Variants in SLMAP observed in about 807,000 individuals in gnomAD.
SLMAP encodes sarcolemma associated protein.
In SLMAP, 44 loss-of-function variants were observed where a neutral mutation model predicts 128.8. The observed-to-expected ratio is 0.34, with a 90% CI of 0.27 to 0.44. The LOEUF (loss-of-function observed/expected upper bound fraction) is 0.44, where lower values mean the gene tolerates loss of function less well. SLMAP is among the 20% of genes least tolerant of loss of function. The pLI is 1.00. For synonymous variants in SLMAP, 327 were observed against 348.8 expected, an observed-to-expected ratio of 0.94 and a Z score of 0.70; for missense variants, 787 against 985.3, an observed-to-expected ratio of 0.80 and a Z score of 2.69.
At chr3:57,902,653 T>A (rs550116701) in intron 17 of SLMAP, among the ~76,000 whole-genome samples, 2 of 152,296 alleles carry the variant, frequency 1.3e-5, no homozygotes, top group South Asian at 4.1e-4. Flanking sequence ...TAGAATCCAT[T>A]GGCCTGAGAC....
intron 16 of SLMAP, 60 bp from the exon 17 acceptor site, chr3:57,896,813 G>C (rs866325266): frequency 4.0e-6 from 6 of 1,516,362 alleles, no homozygotes; most frequent in Middle Eastern, 3.5e-4. Flanking sequence ...GATAACAATA[G>C]CTTGCTGATA....
chr3:57,763,297 T>G (rs2079047766), intron 2 of SLMAP, among the ~76,000 whole-genome samples: 1 of 150,548 alleles, frequency 6.6e-6, no homozygotes, highest in Non-Finnish European at 1.5e-5. Flanking sequence ...TTTTTTGAGA[T>G]GGAGTCTCGC....
intron 2 of SLMAP, among the ~76,000 whole-genome samples, chr3:57,801,751 T>C (rs1271639384): frequency 6.6e-6 from 1 of 151,898 alleles, no homozygotes; most frequent in Non-Finnish European, 1.5e-5. Context: ...CAGAAGTAGA[T>C]CAAAGGGCAC....
chr3:57,773,610 A>G (rs2081293561), intron 2 of SLMAP, among the ~76,000 whole-genome samples: 1 of 152,288 alleles, frequency 6.6e-6, no homozygotes. Flanking sequence ...CAATGCCTCC[A>G]CTTAATTCAT....
intron 14 of SLMAP, among the ~76,000 whole-genome samples, chr3:57,878,825 A>T (rs1249459583): frequency 1.3e-5 from 2 of 152,178 alleles, no homozygotes; most frequent in African/African-American, 4.8e-5. Flanking sequence ...TTCTTAATGA[A>T]ACCCAATTTT....
intron 2 of SLMAP, among the ~76,000 whole-genome samples, chr3:57,792,093 C>G (rs1162555508): frequency 2.6e-5 from 4 of 152,008 alleles, no homozygotes; most frequent in African/African-American, 9.7e-5. Flanking sequence ...TCTTTAACAA[C>G]AGAGCACTTT....
At chr3:57,844,379 G>A (rs528700106) in intron 4 of SLMAP, among the ~76,000 whole-genome samples, 3 of 151,672 alleles carry the variant, frequency 2.0e-5, no homozygotes, top group South Asian at 4.2e-4. Flanking sequence ...GGGTGACAGA[G>A]TGAGACTCTG....
At chr3:57,872,363 A>G (rs2095501227) in intron 14 of SLMAP, among the ~76,000 whole-genome samples, 1 of 152,156 alleles carries the variant, frequency 6.6e-6, no homozygotes, top group African/African-American at 2.4e-5. Flanking sequence ...CACACCTGTA[A>G]TCCTAGCACT....
chr3:57,869,788 A>G (rs952786229), intron 13 of SLMAP, among the ~76,000 whole-genome samples: 1 of 150,774 alleles, frequency 6.6e-6, no homozygotes, highest in Non-Finnish European at 1.5e-5. Flanking sequence ...TTTCTTACTA[A>G]TTCATTGAAA....
chr3:57,766,252 G>A (rs910862827), intron 2 of SLMAP, among the ~76,000 whole-genome samples: 1 of 145,392 alleles, frequency 6.9e-6, no homozygotes, highest in Non-Finnish European at 1.5e-5. Context: ...TCCTGACCTC[G>A]TGATCCGCCT....
At chr3:57,915,086 A>G (rs1052457411) in intron 21 of SLMAP, among the ~76,000 whole-genome samples, 3 of 151,552 alleles carry the variant, frequency 2.0e-5, no homozygotes, top group Non-Finnish European at 2.9e-5. Flanking sequence ...GGGTTTCACC[A>G]TGTTGATCAG....
chr3:57,878,269 CTG>C (rs555359735), intron 14 of SLMAP, among the ~76,000 whole-genome samples: 159 of 152,270 alleles, frequency 1.0e-3, no homozygotes, highest in African/African-American at 3.7e-3. Flanking sequence ...TTATGAAAGT[CTG>C]TATTATTAAA....
intron 2 of SLMAP, among the ~76,000 whole-genome samples, chr3:57,820,219 A>T (rs1033912644): frequency 1.3e-5 from 2 of 152,172 alleles, no homozygotes; most frequent in African/African-American, 4.8e-5. Context: ...TAATATGCTA[A>T]AATACATGAC....
At chr3:57,787,450 C>G (rs1464802875) in intron 2 of SLMAP, among the ~76,000 whole-genome samples, 2 of 152,070 alleles carry the variant, frequency 1.3e-5, no homozygotes, top group Admixed American at 1.3e-4. Context: ...TAGGAAATGA[C>G]ATGAATTATG....
chr3:57,768,005 AT>A (rs1465193011), intron 2 of SLMAP, among the ~76,000 whole-genome samples: 1 of 152,208 alleles, frequency 6.6e-6, no homozygotes, highest in Non-Finnish European at 1.5e-5. Flanking sequence ...ACTCCTAGAA[AT>A]ACAATATTTT....
intron 2 of SLMAP, among the ~76,000 whole-genome samples, chr3:57,775,161 TTTCCTGC>T (rs993876418): frequency 2.1e-5 from 2 of 97,352 alleles, no homozygotes; most frequent in Non-Finnish European, 4.1e-5. Flanking sequence ...TTCACGCCAT[TTTCCTGC>T]CTCAGCCCCC....
intron 5 of SLMAP, among the ~76,000 whole-genome samples, chr3:57,848,093 ACAT>A (rs2094335831): frequency 6.6e-6 from 1 of 152,310 alleles, no homozygotes; most frequent in Admixed American, 6.5e-5. Context: ...TGGTGCTATA[ACAT>A]CATTAATAAG....
chr3:57,779,166 G>T (rs372465874), intron 2 of SLMAP, among the ~76,000 whole-genome samples: 1 of 152,060 alleles, frequency 6.6e-6, no homozygotes, highest in African/African-American at 2.4e-5. Flanking sequence ...TGAATAAAAA[G>T]AGCAAGGTGC....
intron 15 of SLMAP, chr3:57,890,970 G>A (rs2096054133): frequency 6.6e-6 from 1 of 152,066 alleles, no homozygotes; most frequent in Non-Finnish European, 1.5e-5. Context: ...TCTGAATTTT[G>A]TGCACGGCAG....
Sources: allele counts gnomAD v4.1 joint callset (sites outside exome capture counted in the v4.1 genomes callset), GRCh38; gene constraint gnomAD v4.1.1; transcripts MANE v1.5; gene names NCBI Gene and HGNC (gene_info 2026-07-23, HGNC 2026-07-21).